Variants in MYT1L observed in about 807,000 individuals in gnomAD.
MYT1L encodes the protein myelin transcription factor 1-like protein.
A neutral mutation model predicts 126.7 loss-of-function variants in MYT1L; 12 were observed. That is an observed-to-expected ratio of 0.09 (90% confidence interval 0.06 to 0.15). The LOEUF (loss-of-function observed/expected upper bound fraction) is 0.15. Among genes scored for constraint, MYT1L ranks in the 10% least tolerant of loss-of-function variants. The pLI is 1.00. For synonymous variants in MYT1L, 541 were observed against 604.2 expected (o/e 0.90, Z 1.53); for missense variants, 979 against 1,585.2 (o/e 0.62, Z 6.49).
intron 2 of MYT1L, among the ~76,000 whole-genome samples, chr2:2,279,800 C>T (rs1316646532): frequency 6.6e-6 from 1 of 152,288 alleles, no homozygotes; most frequent in African/African-American, 2.4e-5. Context: ...AAGCGGGCAA[C>T]ACTGCACACT....
intron 2 of MYT1L, among the ~76,000 whole-genome samples, chr2:2,200,225 A>C (rs545196982): frequency 6.6e-6 from 1 of 152,182 alleles, no homozygotes; most frequent in Non-Finnish European, 1.5e-5. Flanking sequence ...TCAAGAGGTC[A>C]TGATTTGCCA....
At chr2:2,129,576 C>A (rs1028942532) in intron 3 of MYT1L, among the ~76,000 whole-genome samples, 1 of 152,092 alleles carries the variant, frequency 6.6e-6, no homozygotes, top group African/African-American at 2.4e-5. Flanking sequence ...GACAAGTGAC[C>A]GCAGCCACAA....
chr2:2,098,884 T>TAGAC (rs1469530884), intron 3 of MYT1L, among the ~76,000 whole-genome samples: 1 of 152,216 alleles, frequency 6.6e-6, no homozygotes, highest in Non-Finnish European at 1.5e-5. Context: ...TGGTGGGGTC[T>TAGAC]GCAGTGACCA....
At chr2:2,104,425 C>T (rs1042137311) in intron 3 of MYT1L, among the ~76,000 whole-genome samples, 34 of 152,166 alleles carry the variant, frequency 2.2e-4, no homozygotes, top group African/African-American at 8.2e-4. Flanking sequence ...AACTGAATAA[C>T]AATTTCAGGG....
At chr2:2,039,038 G>A (rs2067216958) in intron 4 of MYT1L, among the ~76,000 whole-genome samples, 1 of 152,144 alleles carries the variant, frequency 6.6e-6, no homozygotes, top group South Asian at 2.1e-4. Flanking sequence ...AGCTCCTTGT[G>A]TTATGTGGCT....
chr2:1,986,309 C>CA (rs1389119389), intron 5 of MYT1L, among the ~76,000 whole-genome samples: 5 of 152,130 alleles, frequency 3.3e-5, no homozygotes, highest in Admixed American at 2.6e-4. Flanking sequence ...GGGAATGCCA[C>CA]GTCAATGGAA....
intron 10 of MYT1L, among the ~76,000 whole-genome samples, chr2:1,919,081 C>T (rs1325057661): frequency 2.0e-5 from 3 of 152,130 alleles, no homozygotes; most frequent in East Asian, 1.9e-4. Flanking sequence ...ATCTATTATT[C>T]GTCCTTAAGT....
intron 2 of MYT1L, among the ~76,000 whole-genome samples, chr2:2,252,981 AT>A (rs1462632995): frequency 1.3e-5 from 2 of 152,180 alleles, no homozygotes; most frequent in Admixed American, 6.5e-5. Flanking sequence ...TTTTAAAAAA[AT>A]AAACCAAATT....
intron 3 of MYT1L, among the ~76,000 whole-genome samples, chr2:2,069,831 AGCTT>A (rs2074373446): frequency 6.6e-6 from 1 of 151,574 alleles, no homozygotes; most frequent in Non-Finnish European, 1.5e-5. Flanking sequence ...AGTGATGATG[AGCTT>A]TTTTTGGTAT....
At chr2:2,104,944 C>T (rs1393349278) in intron 3 of MYT1L, among the ~76,000 whole-genome samples, 1 of 152,180 alleles carries the variant, frequency 6.6e-6, no homozygotes, top group African/African-American at 2.4e-5. Context: ...TTAAGTCACT[C>T]AGCCCAATGA....
At chr2:1,863,742 G>GT (rs992997624) in intron 18 of MYT1L, among the ~76,000 whole-genome samples, 1 of 91,206 alleles carries the variant, frequency 1.1e-5, no homozygotes, top group African/African-American at 4.5e-5. Flanking sequence ...AAACAAAAAA[G>GT]GGGGGGGCAT....
At chr2:2,285,366 G>T (rs2095505337) in intron 1 of MYT1L, among the ~76,000 whole-genome samples, 1 of 152,206 alleles carries the variant, frequency 6.6e-6, no homozygotes, top group African/African-American at 2.4e-5. Flanking sequence ...AAAGAAACAT[G>T]CACAGACCAG....
At chr2:2,094,311 A>T (rs1262116546) in intron 3 of MYT1L, among the ~76,000 whole-genome samples, 2 of 152,200 alleles carry the variant, frequency 1.3e-5, no homozygotes, top group African/African-American at 4.8e-5. Context: ...ACACTTTTAC[A>T]TTGTTGGTGG....
At chr2:2,300,882 A>G (rs2095771636) in intron 1 of MYT1L, among the ~76,000 whole-genome samples, 1 of 152,162 alleles carries the variant, frequency 6.6e-6, no homozygotes, top group African/African-American at 2.4e-5. Flanking sequence ...CTACTCTACC[A>G]GGAAAACTAA....
chr2:2,275,202 ATG>A (rs10522538), intron 2 of MYT1L, among the ~76,000 whole-genome samples: 10,932 of 139,316 alleles, frequency 0.078, 771 homozygotes, highest in African/African-American at 0.2. Flanking sequence ...TAATAATAAA[ATG>A]TGTGTGTGTG....
intron 3 of MYT1L, among the ~76,000 whole-genome samples, chr2:2,129,301 A>G (rs2082076451): frequency 6.6e-6 from 1 of 152,204 alleles, no homozygotes; most frequent in African/African-American, 2.4e-5. Flanking sequence ...AAAAATAAAG[A>G]TATGATAACT....
rs1384177744 is a variant in MYT1L, at chr2:2,212,020, A to G, written c.-420-39032T>C. Among the ~76,000 whole-genome samples the G allele has an allele frequency of 2.6e-5, 4 of 152,158 alleles. No individual in the cohort carries two copies. The East Asian group carries it at 7.7e-4, about 29-fold the overall frequency. The stretch of plus-strand genomic sequence containing the variant: ...AATGCCAAATGCCAGTGGAAGAGTC[A>G]GGGTTCCAATGTCAAGCCTCTGCAT... On this transcript the variant is annotated intron_variant, in intron 2 of 24. Coordinates refer to ENST00000647738, the MANE Select transcript of MYT1L (RefSeq NM_001303052.2).
chr2:1,919,655 G>A (rs1261243488), intron 10 of MYT1L, among the ~76,000 whole-genome samples: 1 of 152,204 alleles, frequency 6.6e-6, no homozygotes, highest in African/African-American at 2.4e-5. Flanking sequence ...TGACATGCTA[G>A]TGGTTGCAGG....
chr2:2,249,609 T>G (rs4633949), intron 2 of MYT1L, among the ~76,000 whole-genome samples: 9,021 of 152,108 alleles, frequency 0.059, 336 homozygotes, highest in South Asian at 0.17. Flanking sequence ...TCCAGGACAT[T>G]GATCTGGGCA....
Sources: gnomAD v4.1 joint callset for allele counts (sites outside exome capture counted in the v4.1 genomes callset) on GRCh38, gnomAD v4.1.1 for gene constraint, MANE v1.5 for transcripts, NCBI Gene and HGNC (gene_info 2026-07-23, HGNC 2026-07-21) for gene names.